Variants in SH3GL2 observed in about 807,000 individuals in gnomAD.
SH3GL2 encodes the protein endophilin-A1.
Under a neutral mutation model 46.0 loss-of-function variants are expected in SH3GL2, and 24 were observed. That is an observed-to-expected ratio of 0.52 (90% CI 0.38 to 0.73). The LOEUF (loss-of-function observed/expected upper bound fraction) is 0.73. Ranked by LOEUF, SH3GL2 falls within the 30% of genes least tolerant of loss-of-function variation. The pLI is 0.00. For synonymous variants in SH3GL2, 196 were observed against 147.1 expected, an observed-to-expected ratio of 1.33 and a Z score of -2.40; for missense variants, 413 against 424.2, an observed-to-expected ratio of 0.97 and a Z score of 0.23.
At chr9:17,708,966 A>G (rs16935918) in intron 1 of SH3GL2, among the ~76,000 whole-genome samples, 6,162 of 152,078 alleles carry the variant, frequency 0.041, 324 homozygotes, top group African/African-American at 0.12. Context: ...TCTGAGTCCT[A>G]AGTGACCAAG....
intron 1 of SH3GL2, among the ~76,000 whole-genome samples, chr9:17,686,760 A>C (rs1416893279): frequency 7.7e-6 from 1 of 129,434 alleles, no homozygotes; most frequent in Non-Finnish European, 1.5e-5. Context: ...GGACACAGGA[A>C]GGGGAATATC....
chr9:17,682,867 C>T (rs117693019), intron 1 of SH3GL2, among the ~76,000 whole-genome samples: 1,882 of 152,116 alleles, frequency 0.012, 28 homozygotes, highest in Non-Finnish European at 0.018. Context: ...TTTCAAACTC[C>T]GGAAGCTTTT....
At chr9:17,581,065 G>A (rs925742051) in intron 1 of SH3GL2, among the ~76,000 whole-genome samples, 7 of 152,160 alleles carry the variant, frequency 4.6e-5, no homozygotes, top group African/African-American at 1.7e-4. Flanking sequence ...AAACGAGTGT[G>A]TAGAACACAC....
chr9:17,768,312 A>C (rs1823374158), intron 3 of SH3GL2, among the ~76,000 whole-genome samples: 1 of 143,446 alleles, frequency 7.0e-6, no homozygotes, highest in Non-Finnish European at 1.5e-5. Flanking sequence ...CGGAGCTTGC[A>C]GTGAGCCAGG....
chr9:17,665,484 C>T (rs1283790797), intron 1 of SH3GL2, among the ~76,000 whole-genome samples: 7 of 152,106 alleles, frequency 4.6e-5, no homozygotes. Flanking sequence ...GCTGTTTCTT[C>T]ATAATAGTAT....
intron 1 of SH3GL2, among the ~76,000 whole-genome samples, chr9:17,591,845 G>A (rs887307692): frequency 6.6e-5 from 10 of 152,154 alleles, no homozygotes; most frequent in Non-Finnish European, 8.8e-5. Context: ...TTCTGTAGGC[G>A]CTTTCCACAT....
chr9:17,789,511 A>T lies in SH3GL2; in HGVS notation c.585A>T (p.Glu195Asp). Residue 195 changes from glutamate to aspartate, a missense_variant, in exon 6 of 9, where the codon GAA becomes GAT. By Grantham distance (45) the Glu-to-Asp change is conservative (BLOSUM62 2). This residue lies in a region of SH3GL2 where 248 missense variants were observed against 215.0 expected (regional missense o/e 1.15). Coordinates refer to ENST00000380607, the MANE Select transcript of SH3GL2 (RefSeq NM_003026.5). Reference sequence around the variant, plus strand: ...TAGAGAAATTTGATGAGTCTAAGGAAATTGCTGAGTCAAGCATGTTCAATC... The same window carrying T: ...TAGAGAAATTTGATGAGTCTAAGGATATTGCTGAGTCAAGCATGTTCAATC... ...QALEKFDESK[E>D]IAESSMFNLL... is the part of the protein sequence containing the mutation. 6.2e-7 allele frequency: 1 copy of T among 1,613,422 alleles called. No individual in the cohort carries two copies. The highest frequency in any genetic ancestry group is 8.5e-7 in the Non-Finnish European group (1 of 1,179,542).
chr9:17,581,246 A>G (rs956017183), intron 1 of SH3GL2, among the ~76,000 whole-genome samples: 6 of 152,012 alleles, frequency 3.9e-5, no homozygotes, highest in Non-Finnish European at 7.4e-5. Flanking sequence ...GTGTCGCCCT[A>G]AAGTGTAGAA....
At position 17,613,143 on chromosome 9, in the gene SH3GL2, A is replaced by G. The variant is rs1321047284; in HGVS notation, c.45+33856A>G. On this transcript the variant is annotated intron_variant, in intron 1 of 8. Coordinates refer to ENST00000380607, the MANE Select transcript of SH3GL2 (RefSeq NM_003026.5). ...GTCTTTTATTGTACAATAACATTCA[A>G]TAAGAGTAATTTCTTAGTGTGACCA... Among the ~76,000 whole-genome samples the G allele has an allele frequency of 2.6e-5, 4 of 152,190 alleles. No homozygotes were observed. In the East Asian group the frequency reaches 5.8e-4, roughly 22 times the overall value.
At chr9:17,773,626 G>A (rs951563780) in intron 3 of SH3GL2, among the ~76,000 whole-genome samples, 2 of 152,104 alleles carry the variant, frequency 1.3e-5, no homozygotes, top group Non-Finnish European at 2.9e-5. Context: ...GTATGCAAGA[G>A]TTTATTTCTG....
intron 1 of SH3GL2, among the ~76,000 whole-genome samples, chr9:17,709,794 C>T (rs575029505): frequency 6.6e-6 from 1 of 151,840 alleles, no homozygotes; most frequent in South Asian, 2.1e-4. Context: ...GACAGCCAAA[C>T]TGACATTTAT....
chr9:17,584,767 C>G (rs944055818), intron 1 of SH3GL2, among the ~76,000 whole-genome samples: 1 of 152,086 alleles, frequency 6.6e-6, no homozygotes, highest in Non-Finnish European at 1.5e-5. Flanking sequence ...CGCTTGAAGT[C>G]AACGATACGG....
chr9:17,768,370 CAAAAA>C (rs34891273), intron 3 of SH3GL2, among the ~76,000 whole-genome samples: 1 of 67,220 alleles, frequency 1.5e-5, no homozygotes, highest in Non-Finnish European at 3.1e-5. Flanking sequence ...GACTCTGTCT[CAAAAA>C]AAAAAAAAAA....
At chr9:17,688,166 G>T (rs1185049542) in intron 1 of SH3GL2, among the ~76,000 whole-genome samples, 1 of 152,072 alleles carries the variant, frequency 6.6e-6, no homozygotes, top group Non-Finnish European at 1.5e-5. Context: ...GGTGCCTCAT[G>T]TCGAGGTGTA....
chr9:17,588,015 T>C (rs1231317383), intron 1 of SH3GL2, among the ~76,000 whole-genome samples: 1 of 152,234 alleles, frequency 6.6e-6, no homozygotes. Flanking sequence ...TTTCATCCAG[T>C]AGACTTGGTT....
At chr9:17,627,446 G>A (rs1001155) in intron 1 of SH3GL2, among the ~76,000 whole-genome samples, 7,226 of 152,184 alleles carry the variant, frequency 0.047, 260 homozygotes, top group Non-Finnish European at 0.075. Context: ...CTGAAACTGT[G>A]ACCTTCTTGG....
chr9:17,622,974 T>TTGTTTCCTTCCCTTTCCTTTCCTTTC (rs1819178858), intron 1 of SH3GL2, among the ~76,000 whole-genome samples: 1 of 95,724 alleles, frequency 1.0e-5, no homozygotes, highest in African/African-American at 4.0e-5. Flanking sequence ...CCTTTTCCTT[T>TTGTTTCCTTCCCTTTCCTTTCCTTTC]CGTTTCCTTT....
intron 6 of SH3GL2, among the ~76,000 whole-genome samples, chr9:17,790,642 T>G (rs973751816): frequency 3.9e-5 from 6 of 152,202 alleles, no homozygotes; most frequent in African/African-American, 1.4e-4. Flanking sequence ...GCTACCCAGC[T>G]GGATCATAAT....
intron 1 of SH3GL2, among the ~76,000 whole-genome samples, chr9:17,619,396 G>C (rs561552485): frequency 6.6e-6 from 1 of 152,340 alleles, no homozygotes; most frequent in Admixed American, 6.5e-5. Flanking sequence ...GAATAGGTGA[G>C]GTGGGGCATG....
Sources: allele counts gnomAD v4.1 joint callset (sites outside exome capture counted in the v4.1 genomes callset), GRCh38; gene constraint gnomAD v4.1.1; regional missense constraint gnomAD v4.1.1; transcripts MANE v1.5; gene names NCBI Gene and HGNC (gene_info 2026-07-23, HGNC 2026-07-21).